The following VPS53 variants were observed in gnomAD, a reference collection of about 807,000 sequenced individuals.
VPS53 encodes the protein vacuolar protein sorting-associated protein 53 homolog.
In VPS53, 70 loss-of-function variants were observed where a neutral mutation model predicts 107.0. That is an observed-to-expected ratio of 0.65 (90% CI 0.54 to 0.80). The LOEUF (loss-of-function observed/expected upper bound fraction) is 0.80, where lower values mean the gene tolerates loss of function less well. VPS53 is among the 30% of genes least tolerant of loss of function. The pLI, the probability that VPS53 is intolerant of heterozygous loss-of-function variation, is 0.00. For missense variants in VPS53, 917 were observed against 1,049.4 expected, an observed-to-expected ratio of 0.87 and a Z score of 1.74; for synonymous variants, 409 against 393.3, an observed-to-expected ratio of 1.04 and a Z score of -0.47.
chr17:660,970 G>A (rs528754696), intron 5 of VPS53, among the ~76,000 whole-genome samples: 7 of 152,110 alleles, frequency 4.6e-5, no homozygotes, highest in East Asian at 1.9e-4. Flanking sequence ...CTCGGTCTTC[G>A]GGGCAAGCTT....
intron 13 of VPS53, among the ~76,000 whole-genome samples, chr17:581,583 T>A (rs146360194): frequency 6.7e-6 from 1 of 149,782 alleles, no homozygotes; most frequent in South Asian, 2.1e-4. Context: ...ACCTAAGGCA[T>A]TCCCAGAGAA....
intron 13 of VPS53, among the ~76,000 whole-genome samples, chr17:571,812 C>T (rs1382868202): frequency 2.6e-5 from 4 of 152,160 alleles, no homozygotes; most frequent in South Asian, 2.1e-4. Context: ...CCCGAGGTGC[C>T]GGGATTGCAG....
At chr17:547,900 G>A (rs1489045303) in intron 17 of VPS53, among the ~76,000 whole-genome samples, 1 of 152,178 alleles carries the variant, frequency 6.6e-6, no homozygotes, top group African/African-American at 2.4e-5. Context: ...AAAGGAGTGA[G>A]CCACTGCTCC....
At chr17:668,558 C>T (rs1039334898) in intron 4 of VPS53, among the ~76,000 whole-genome samples, 2 of 152,098 alleles carry the variant, frequency 1.3e-5, no homozygotes, top group East Asian at 1.9e-4. Flanking sequence ...AAGTTTCAAT[C>T]GTGGAGTAAA....
At chr17:556,292 T>A (rs1223719843) in intron 15 of VPS53, among the ~76,000 whole-genome samples, 2 of 151,718 alleles carry the variant, frequency 1.3e-5, no homozygotes, top group Non-Finnish European at 2.9e-5. Context: ...ACAAAAAGAA[T>A]CTGAGCAACA....
chr17:565,713 C>T (rs932480445), intron 13 of VPS53, among the ~76,000 whole-genome samples: 4 of 151,774 alleles, frequency 2.6e-5, no homozygotes, highest in African/African-American at 9.7e-5. Context: ...CAGTGGGCCT[C>T]GCAACGGCTC....
At chr17:657,070 G>T in intron 5 of VPS53, 1 of 948,280 alleles carries the variant, frequency 1.1e-6, no homozygotes, top group Non-Finnish European at 1.7e-6. Context: ...CGAACGTGAT[G>T]AAATCGGTCA....
intron 11 of VPS53, among the ~76,000 whole-genome samples, chr17:605,213 A>G (rs946139751): frequency 1.1e-4 from 17 of 152,142 alleles, no homozygotes; most frequent in African/African-American, 4.1e-4. Flanking sequence ...CAGGGATGCA[A>G]GTGAGGAAGA....
chr17:546,327 T>TCACACACACA (rs888241748), intron 17 of VPS53, among the ~76,000 whole-genome samples: 6 of 93,118 alleles, frequency 6.4e-5, no homozygotes, highest in South Asian at 3.3e-4. Context: ...ATCTTAGATA[T>TCACACACACA]CTCACACACA....
At chr17:657,796 T>A (rs1400639664) in intron 5 of VPS53, among the ~76,000 whole-genome samples, 6 of 152,100 alleles carry the variant, frequency 3.9e-5, no homozygotes, top group Admixed American at 2.6e-4. Context: ...GATAGATACA[T>A]CCTCATTAAA....
At chr17:705,812 G>T (rs951433526) in intron 2 of VPS53, 1 of 152,436 alleles carries the variant, frequency 6.6e-6, no homozygotes, top group African/African-American at 2.4e-5. Flanking sequence ...GCTGAAGTGG[G>T]AGGAGTGCTT....
intron 12 of VPS53, among the ~76,000 whole-genome samples, chr17:591,013 T>A (rs942295732): frequency 2.6e-5 from 4 of 152,106 alleles, no homozygotes; most frequent in African/African-American, 9.7e-5. Context: ...GGTCCTGGAC[T>A]CTTTTTCGTT....
chr17:641,245 C>G (rs1397391313), intron 7 of VPS53, among the ~76,000 whole-genome samples: 1 of 152,156 alleles, frequency 6.6e-6, no homozygotes, highest in African/African-American at 2.4e-5. Context: ...ATCTATAGAC[C>G]CAAACCTCAA....
chr17:707,500 A>C (rs2144000061), intron 2 of VPS53, among the ~76,000 whole-genome samples: 1 of 146,604 alleles, frequency 6.8e-6, no homozygotes, highest in South Asian at 2.2e-4. Context: ...AGCCTGGGGG[A>C]CAAGAATGAG....
intron 4 of VPS53, among the ~76,000 whole-genome samples, chr17:680,313 C>G (rs1972339861): frequency 6.6e-6 from 1 of 151,928 alleles, no homozygotes; most frequent in South Asian, 2.1e-4. Context: ...ACAACAAAAA[C>G]TGACATAAAC....
At chr17:529,884 AG>A (rs1909402065) in intron 19 of VPS53, among the ~76,000 whole-genome samples, 1 of 151,434 alleles carries the variant, frequency 6.6e-6, no homozygotes, top group African/African-American at 2.4e-5. Context: ...AAAAAAAAAA[AG>A]AGCCAGCCAG....
intron 18 of VPS53, among the ~76,000 whole-genome samples, chr17:535,011 A>T (rs960376514): frequency 2.0e-5 from 3 of 151,852 alleles, no homozygotes; most frequent in African/African-American, 7.3e-5. Context: ...GACCTGACAC[A>T]CGTCCTGTGG....
At chr17:677,954 C>G (rs60060532) in intron 4 of VPS53, among the ~76,000 whole-genome samples, 1 of 151,604 alleles carries the variant, frequency 6.6e-6, no homozygotes, top group Non-Finnish European at 1.5e-5. Context: ...CCGGATTCCA[C>G]GAGAAATACA....
Position 623,576 on chromosome 17 carries a change from A to G in VPS53, c.1073T>C (p.Leu358Pro). Residue 358 changes from leucine (L) to proline (P), a missense_variant, in exon 11 of 22, where the codon CTT (leucine) becomes CCT (proline). Coordinates refer to ENST00000437048, the MANE Select transcript of VPS53 (RefSeq NM_001128159.3). ...GGTGCAGCCGGAGAAGCGTTTTGCA[A>G]GAAACCCCTCAAAGTTAGTTGTTCT... ...IQRTTNFEGF[L>P]AKRFSGCTLT... is the part of the protein sequence containing the mutation. The G allele has an allele frequency of 6.2e-7, 1 of 1,613,870 alleles. No individual in the cohort carries two copies. Among genetic ancestry groups the G allele is most frequent in the Non-Finnish European group, 8.5e-7 (1 of 1,179,768 alleles).
Sources: allele counts gnomAD v4.1 joint callset (sites outside exome capture counted in the v4.1 genomes callset), GRCh38; gene constraint gnomAD v4.1.1; transcripts MANE v1.5; gene names NCBI Gene and HGNC (gene_info 2026-07-23, HGNC 2026-07-21).